ZFYVE9: variants seen among roughly 807,000 people sequenced by gnomAD.
ZFYVE9 encodes the protein zinc finger FYVE domain-containing protein 9.
In ZFYVE9, 43 loss-of-function variants were observed where a neutral mutation model predicts 126.7. The observed-to-expected ratio is 0.34, with a 90% CI of 0.27 to 0.44. The LOEUF (loss-of-function observed/expected upper bound fraction) is 0.44, where lower values mean the gene tolerates loss of function less well. ZFYVE9 is among the 20% of genes least tolerant of loss of function. The pLI is 1.00. For synonymous variants in ZFYVE9, 521 were observed against 597.4 expected, an observed-to-expected ratio of 0.87 and a Z score of 1.87; for missense variants, 1,476 against 1,697.0, an observed-to-expected ratio of 0.87 and a Z score of 2.29.
intron 13 of ZFYVE9, among the ~76,000 whole-genome samples, chr1:52,315,995 G>A (rs752243103): frequency 5.9e-5 from 9 of 151,380 alleles, no homozygotes; most frequent in South Asian, 2.1e-4. Flanking sequence ...GCAAAACCCC[G>A]TCTCTACTAA....
Position 52,159,826 on chromosome 1 carries a change from C to T in ZFYVE9, c.-143+17423C>T, listed in dbSNP as rs968612455. Among the ~76,000 whole-genome samples, 5 of 151,032 alleles carry T rather than the reference C, an allele frequency of 3.3e-5. No individual in the cohort carries two copies. In the East Asian group the frequency reaches 5.8e-4, roughly 18 times the overall value. ...TCTTTTTTTTTTTGAGATGGAGTCT[C>T]GCTCTGTCACCCAGGCTGGAGTGCA... On this transcript the variant is annotated intron_variant, in intron 1 of 18. Coordinates refer to ENST00000287727, the MANE Select transcript of ZFYVE9 (RefSeq NM_004799.4).
chr1:52,171,006 T>G (rs1572071173), intron 1 of ZFYVE9, among the ~76,000 whole-genome samples: 1 of 152,280 alleles, frequency 6.6e-6, no homozygotes, highest in South Asian at 2.1e-4. Context: ...GATGGTTTTT[T>G]TTTTTTAATT....
chr1:52,177,399 C>T (rs1037395633), intron 1 of ZFYVE9, among the ~76,000 whole-genome samples: 2 of 152,152 alleles, frequency 1.3e-5, no homozygotes, highest in East Asian at 3.9e-4. Context: ...CCATCCGCCT[C>T]GCCGCACAAA....
At chr1:52,344,703 T>G in intron 17 of ZFYVE9, 65 bp from the exon 18 acceptor site, 68 of 1,554,902 alleles carry the variant, frequency 4.4e-5, no homozygotes, top group Non-Finnish European at 5.0e-5. Context: ...TCATATACAG[T>G]GAGCTAATCT....
intron 2 of ZFYVE9, among the ~76,000 whole-genome samples, chr1:52,228,721 A>T (rs563520010): frequency 3.3e-5 from 5 of 152,214 alleles, no homozygotes; most frequent in African/African-American, 7.2e-5. Flanking sequence ...AATTAATTCA[A>T]TGTGTCACCC....
At chr1:52,324,358 G>T (rs1361692075) in intron 13 of ZFYVE9, among the ~76,000 whole-genome samples, 1 of 152,176 alleles carries the variant, frequency 6.6e-6, no homozygotes, top group Non-Finnish European at 1.5e-5. Context: ...TGAAGATGGG[G>T]TCTAGCCTCT....
intron 13 of ZFYVE9, among the ~76,000 whole-genome samples, chr1:52,327,289 T>C (rs1646300101): frequency 6.6e-6 from 1 of 152,150 alleles, no homozygotes; most frequent in Non-Finnish European, 1.5e-5. Context: ...GTCACATTAA[T>C]GTCTCACTGG....
At chr1:52,212,534 C>G (rs188885255) in intron 1 of ZFYVE9, among the ~76,000 whole-genome samples, 62 of 152,298 alleles carry the variant, frequency 4.1e-4, no homozygotes, top group Non-Finnish European at 5.6e-4. Flanking sequence ...AGTTTGGTAA[C>G]TATATGAACC....
chr1:52,233,720 G>C (rs1294509315), intron 3 of ZFYVE9, among the ~76,000 whole-genome samples: 2 of 152,186 alleles, frequency 1.3e-5, no homozygotes, highest in African/African-American at 4.8e-5. Flanking sequence ...CATCACAACT[G>C]CCTAAGTGGT....
chr1:52,310,294 G>A (rs1646125701), intron 13 of ZFYVE9, among the ~76,000 whole-genome samples: 1 of 152,086 alleles, frequency 6.6e-6, no homozygotes, highest in Non-Finnish European at 1.5e-5. Flanking sequence ...TTTCACCATT[G>A]TATTAACTAA....
At chr1:52,176,389 G>C (rs1644628642) in intron 1 of ZFYVE9, among the ~76,000 whole-genome samples, 1 of 152,186 alleles carries the variant, frequency 6.6e-6, no homozygotes, top group Non-Finnish European at 1.5e-5. Context: ...GGCCGTGTGA[G>C]GTGTCAGTCT....
intron 4 of ZFYVE9, among the ~76,000 whole-genome samples, chr1:52,256,327 A>G (rs1557484613): frequency 6.6e-6 from 1 of 151,474 alleles, no homozygotes. Context: ...TCAGCCTCCC[A>G]AAGTGCTGGG....
At chr1:52,262,917 C>CA (rs374795481) in intron 4 of ZFYVE9, among the ~76,000 whole-genome samples, 25 of 150,174 alleles carry the variant, frequency 1.7e-4, no homozygotes, top group South Asian at 1.1e-3. Flanking sequence ...TCTAATAATA[C>CA]AAAAAAAAAT....
In ZFYVE9 at chr1:52,179,525, T is replaced by C. The variant is rs144128960; in HGVS notation, c.-142-36844T>C. Among the ~76,000 whole-genome samples the C allele has an allele frequency of 5.3e-3, 812 of 152,214 alleles. 4 individuals carry two copies. Among genetic ancestry groups the C allele is most frequent in the African/African-American group, 0.018 (767 of 41,526 alleles). ...GGCACATGCCTATAGTCCCAGCTAC[T>C]TGGGAGGCTGAGGCAGGAGAATCTT... On this transcript the variant is annotated intron_variant, in intron 1 of 18. Coordinates refer to ENST00000287727, the MANE Select transcript of ZFYVE9 (RefSeq NM_004799.4).
chr1:52,258,124 C>T (rs773636043), intron 4 of ZFYVE9, among the ~76,000 whole-genome samples: 17 of 152,060 alleles, frequency 1.1e-4, no homozygotes, highest in Non-Finnish European at 2.1e-4. Flanking sequence ...ATTGAAGATA[C>T]CAGTATTAAA....
At chr1:52,317,157 G>A (rs899280762) in intron 13 of ZFYVE9, among the ~76,000 whole-genome samples, 1 of 152,100 alleles carries the variant, frequency 6.6e-6, no homozygotes, top group Non-Finnish European at 1.5e-5. Context: ...ATGAAAACAT[G>A]AGATATAAAA....
intron 1 of ZFYVE9, among the ~76,000 whole-genome samples, chr1:52,163,860 G>T (rs2124515217): frequency 6.6e-6 from 1 of 152,184 alleles, no homozygotes; most frequent in African/African-American, 2.4e-5. Flanking sequence ...TCAAGCTCTA[G>T]GCCATGCAAT....
At chr1:52,159,623 G>C (rs375857174) in intron 1 of ZFYVE9, among the ~76,000 whole-genome samples, 10 of 152,162 alleles carry the variant, frequency 6.6e-5, no homozygotes, top group African/African-American at 2.4e-4. Flanking sequence ...TGTGACTTCA[G>C]CTTGAAAGCT....
chr1:52,191,388 A>G (rs1486136132), intron 1 of ZFYVE9, among the ~76,000 whole-genome samples: 4 of 152,218 alleles, frequency 2.6e-5, no homozygotes, highest in Non-Finnish European at 1.5e-5. Flanking sequence ...TCATTCTGTC[A>G]TTCTTTCAAC....
Sources: gnomAD v4.1 joint callset for allele counts (sites outside exome capture counted in the v4.1 genomes callset) on GRCh38, gnomAD v4.1.1 for gene constraint, MANE v1.5 for transcripts, NCBI Gene and HGNC (gene_info 2026-07-23, HGNC 2026-07-21) for gene names.